BRD4: variants seen among roughly 807,000 people sequenced by gnomAD.
BRD4 encodes the protein bromodomain containing 4.
Under a neutral mutation model 142.1 loss-of-function variants are expected in BRD4, and 16 were observed. That is an observed-to-expected ratio of 0.11 (90% CI 0.08 to 0.17). The LOEUF (loss-of-function observed/expected upper bound fraction) is 0.17, where lower values mean the gene tolerates loss of function less well. Ranked by LOEUF, BRD4 falls within the 10% of genes least tolerant of loss-of-function variation. The probability of loss-of-function intolerance (pLI) is 1.00; values close to 1 mark genes in which losing one functional copy is unlikely to be tolerated. For synonymous variants in BRD4, 833 were observed against 707.5 expected (o/e 1.18, Z -2.82); for missense variants, 1,424 against 1,810.9 (o/e 0.79, Z 3.88).
rs184826997 is a variant in BRD4, at chr19:15,303,641, T to C, written c.-35+28649A>G. 2.0e-5 allele frequency among the ~76,000 whole-genome samples: 3 copies of C among 152,294 alleles called. No homozygotes were observed. The East Asian group carries it at 5.8e-4, about 29-fold the overall frequency. ...AAGAAGGAAAAAGGCTGCCCAGCAT[T>C]CTAGCACCTATTTGCACAATTAGCC... is the stretch of plus-strand genomic sequence containing the variant. On this transcript the variant is annotated intron_variant, in intron 1 of 19. Transcript: ENST00000679869.
chr19:15,269,278 C>CA (rs1227579508), intron 2 of BRD4, among the ~76,000 whole-genome samples: 1 of 152,200 alleles, frequency 6.6e-6, no homozygotes, highest in Non-Finnish European at 1.5e-5. Context: ...TACAAGTTTC[C>CA]AACCACTCTA....
At chr19:15,267,075 T>A (rs181249714) in intron 4 of BRD4, among the ~76,000 whole-genome samples, 1 of 152,216 alleles carries the variant, frequency 6.6e-6, no homozygotes, top group Non-Finnish European at 1.5e-5. Context: ...CATGTTAATG[T>A]CCTTAAAATG....
rs532996786 is a variant in BRD4, at chr19:15,330,532, G to C, written c.-35+1758C>G. ...TGTAATCCCAACACTTTGGGAAGCC[G>C]AGGAGGATGGAACACCTGAGGTCAG... On this transcript the variant is annotated intron_variant, in intron 1 of 19. Transcript: ENST00000679869. 1.2e-3 allele frequency among the ~76,000 whole-genome samples: 179 copies of C among 152,304 alleles called. 1 individual carries two copies. Among genetic ancestry groups the C allele is most frequent in the African/African-American group, 4.1e-3 (172 of 41,572 alleles).
At chr19:15,247,931 G>A (rs1036019929) in intron 11 of BRD4, 3 of 225,138 alleles carry the variant, frequency 1.3e-5, no homozygotes, top group African/African-American at 4.5e-5. Flanking sequence ...CAAATCTGGG[G>A]CAGTTGCAGC....
chr19:15,267,502 A>G lies in BRD4; in HGVS notation c.473T>C (p.Leu158Ser). The G allele has an allele frequency of 6.2e-7, 1 of 1,614,026 alleles. No individual in the cohort carries two copies. Among genetic ancestry groups the G allele is most frequent in the Non-Finnish European group, 8.5e-7 (1 of 1,180,010 alleles). ...TGTGGGTAGCTCATTTATTTTTTGCAAGAAGAGCTTTTCCAGAGCTTCTGC... is the reference window on the plus strand; with the variant it reads ...TGTGGGTAGCTCATTTATTTTTTGCGAGAAGAGCTTTTCCAGAGCTTCTGC... The part of the protein sequence containing the change: ...LMAEALEKLF[L>S]QKINELPTEE... The change falls in exon 4 of 20, where the codon TTG becomes TCG. Residue 158 changes from leucine to serine, a missense_variant. By Grantham distance (145) the Leu-to-Ser change is moderately radical. Around this residue, in one of 16 missense-constraint regions of BRD4, gnomAD observed 55 missense variants for 160.7 expected, o/e 0.34. Coordinates refer to ENST00000679869, the MANE Select transcript of BRD4 (RefSeq NM_001379291.1).
In BRD4 at chr19:15,239,351, G is replaced by C; in HGVS notation, c.3576+41C>G. On this transcript the variant is annotated intron_variant, in intron 17 of 19. Coordinates refer to ENST00000679869, the MANE Select transcript of BRD4 (RefSeq NM_001379291.1). This position sits in a 1 kb window ranked among gnomAD's most constrained non-coding sequence, Gnocchi z 7.4. ...GGTGTGCCCAGCATGGCACCTTCCA[G>C]GGCCAAGGGGCAAGCGACACCCATG... The C allele has an allele frequency of 1.2e-6, 2 of 1,614,124 alleles. No individual in the cohort carries two copies. The highest frequency in any genetic ancestry group is 1.7e-6 in the Non-Finnish European group (2 of 1,180,030).
chr19:15,291,141 G>C (rs574883161), intron 1 of BRD4, among the ~76,000 whole-genome samples: 1 of 152,140 alleles, frequency 6.6e-6, no homozygotes, highest in South Asian at 2.1e-4. Flanking sequence ...CTCCTGACTT[G>C]TTATGCCCTG....
intron 3 of BRD4, chr19:15,268,255 T>G (rs1033742078): frequency 6.6e-6 from 1 of 152,576 alleles, no homozygotes; most frequent in Admixed American, 6.5e-5. Context: ...TTGAAAGGGT[T>G]GATTTTAATC....
chr19:15,242,410 G>T (rs749695416), intron 14 of BRD4, among the ~76,000 whole-genome samples: 1 of 152,188 alleles, frequency 6.6e-6, no homozygotes, highest in Non-Finnish European at 1.5e-5. Flanking sequence ...CTGGAGGCTG[G>T]TAACAGGCGA....
chr19:15,309,538 G>C (rs2047948238), intron 1 of BRD4, among the ~76,000 whole-genome samples: 1 of 152,084 alleles, frequency 6.6e-6, no homozygotes, highest in African/African-American at 2.4e-5. Context: ...CATAAATAAT[G>C]AATGTCCCAG....
intron 7 of BRD4, among the ~76,000 whole-genome samples, chr19:15,260,923 C>A (rs377527678): frequency 1.3e-5 from 2 of 151,992 alleles, no homozygotes; most frequent in African/African-American, 4.8e-5. Flanking sequence ...GAAGGAAGGG[C>A]TAGAACACAT....
At chr19:15,281,102 G>A (rs541874635) in intron 1 of BRD4, among the ~76,000 whole-genome samples, 10 of 152,368 alleles carry the variant, frequency 6.6e-5, no homozygotes, top group African/African-American at 2.2e-4. Context: ...CAGGCAGCTG[G>A]TGAGAACAGC....
intron 1 of BRD4, among the ~76,000 whole-genome samples, chr19:15,292,812 A>AAAAG (rs1555743198): frequency 3.8e-3 from 548 of 142,976 alleles, no homozygotes; most frequent in Middle Eastern, 7.2e-3. Context: ...AAAAAAAAAA[A>AAAAG]AAAGAAAGAA....
intron 1 of BRD4, among the ~76,000 whole-genome samples, chr19:15,326,429 G>A (rs1276028882): frequency 6.6e-6 from 1 of 152,004 alleles, no homozygotes; most frequent in Non-Finnish European, 1.5e-5. Flanking sequence ...CTCTGCATGG[G>A]TGACAGAGCA....
At chr19:15,266,364 A>G (rs943066116) in intron 4 of BRD4, among the ~76,000 whole-genome samples, 1 of 152,182 alleles carries the variant, frequency 6.6e-6, no homozygotes, top group African/African-American at 2.4e-5. Context: ...TTCATCTATC[A>G]GCTCAAGCAG....
In BRD4 at chr19:15,256,273, A is replaced by AG; in HGVS notation, c.1552-11dup. On this transcript the variant is annotated splice_polypyrimidine_tract_variant and intron_variant, in intron 8 of 19. Coordinates refer to ENST00000679869, the MANE Select transcript of BRD4 (RefSeq NM_001379291.1). ...CGTGCACGGCTTTGAGCTGTAGACC[A>AG]GACAGGCAAGACACACACTCAGGGC... 1 of 1,607,250 alleles carries AG rather than the reference A, an allele frequency of 6.2e-7. No individual in the cohort carries two copies. Among genetic ancestry groups the AG allele is most frequent in the Non-Finnish European group, 8.5e-7 (1 of 1,178,516 alleles).
chr19:15,256,477 T>C (rs1222898425), intron 8 of BRD4, among the ~76,000 whole-genome samples: 1 of 152,048 alleles, frequency 6.6e-6, no homozygotes, highest in African/African-American at 2.4e-5. Context: ...TTCACTCAAC[T>C]CCAAAGACTG....
At chr19:15,310,376 CCCCCGA>C (rs2047958765) in intron 1 of BRD4, among the ~76,000 whole-genome samples, 1 of 59,862 alleles carries the variant, frequency 1.7e-5, no homozygotes, top group African/African-American at 5.7e-5. Flanking sequence ...CCCCCCCCCC[CCCCCGA>C]AGGAGTCTCA....
chr19:15,311,628 T>C (rs1300773634), intron 1 of BRD4, among the ~76,000 whole-genome samples: 2 of 150,102 alleles, frequency 1.3e-5, no homozygotes, highest in Non-Finnish European at 3.0e-5. Flanking sequence ...CTGTCTCTAC[T>C]AAAAATACAT....
Sources: allele counts gnomAD v4.1 joint callset (sites outside exome capture counted in the v4.1 genomes callset), GRCh38; gene constraint gnomAD v4.1.1; regional missense constraint gnomAD v4.1.1; non-coding constraint Gnocchi (gnomAD v3.1); transcripts MANE v1.5; gene names NCBI Gene and HGNC (gene_info 2026-07-23, HGNC 2026-07-21).